TBC1D15: variants seen among roughly 807,000 people sequenced by gnomAD.
TBC1D15 encodes GAP for RAB7.
TBC1D15 carries 39 observed loss-of-function variants against 95.4 expected under a neutral mutation model. The ratio of observed to expected loss-of-function variants is 0.41; its 90% CI spans 0.32 to 0.53. TBC1D15 has a LOEUF of 0.53. Ranked by LOEUF, TBC1D15 falls within the 20% of genes least tolerant of loss-of-function variation. TBC1D15 has a pLI of 0.29. For missense variants in TBC1D15, 733 were observed against 794.3 expected, an observed-to-expected ratio of 0.92 and a Z score of 0.93; for synonymous variants, 258 against 261.3, an observed-to-expected ratio of 0.99 and a Z score of 0.12.
At chr12:71,845,769 A>T (rs1886128976) in intron 1 of TBC1D15, among the ~76,000 whole-genome samples, 1 of 152,174 alleles carries the variant, frequency 6.6e-6, no homozygotes, top group African/African-American at 2.4e-5. Flanking sequence ...GTTGTGTATG[A>T]TAGGTGATGG....
chr12:71,842,208 G>A (rs1264305012), intron 1 of TBC1D15, among the ~76,000 whole-genome samples: 3 of 152,178 alleles, frequency 2.0e-5, no homozygotes, highest in Non-Finnish European at 4.4e-5. Flanking sequence ...AGTGATGGAG[G>A]AAGTTAATCT....
At chr12:71,848,033 G>T (rs989754717) in intron 1 of TBC1D15, among the ~76,000 whole-genome samples, 2 of 152,190 alleles carry the variant, frequency 1.3e-5, no homozygotes, top group Non-Finnish European at 2.9e-5. Flanking sequence ...GGAGGCAGAG[G>T]TTGCGGTGAG....
At chr12:71,903,986 T>C (rs1386543832) in intron 10 of TBC1D15, among the ~76,000 whole-genome samples, 2 of 152,104 alleles carry the variant, frequency 1.3e-5, no homozygotes, top group African/African-American at 2.4e-5. Flanking sequence ...AACTTGGCAA[T>C]GTACCCCTTG....
intron 4 of TBC1D15, among the ~76,000 whole-genome samples, chr12:71,884,388 CTTA>C (rs1220272573): frequency 6.6e-6 from 1 of 152,032 alleles, no homozygotes; most frequent in African/African-American, 2.4e-5. Flanking sequence ...TCTCCTAATT[CTTA>C]TTAATAGAAT....
Position 71,899,972 on chromosome 12 carries a change from AC to A in TBC1D15, c.1183+2033del, listed in dbSNP as rs373037321. On this transcript the variant is annotated intron_variant, in intron 10 of 16. Coordinates refer to ENST00000485960, the MANE Select transcript of TBC1D15 (RefSeq NM_001146213.3). ...AGACCCCTTCTCAAAACAAAACAAA[AC>A]CAAAAAAAGTAGGTGGATTCAAGTT... Among the ~76,000 whole-genome samples the A allele has an allele frequency of 2.5e-3, 380 of 152,116 alleles. 1 individual carries two copies. Among genetic ancestry groups the A allele is most frequent in the African/African-American group, 8.7e-3 (360 of 41,480 alleles).
At chr12:71,894,938 C>G (rs1897874968) in intron 7 of TBC1D15, 55 bp downstream of exon 7, 4 of 1,506,982 alleles carry the variant, frequency 2.7e-6, no homozygotes, top group Admixed American at 2.0e-5. Flanking sequence ...AGAACATGTA[C>G]TATAGAAATA....
chr12:71,918,537 C>A lies in TBC1D15; in HGVS notation c.1588C>A (p.Arg530=). 1.3e-6 allele frequency: 2 copies of A among 1,582,686 alleles called. No homozygotes were observed. Among genetic ancestry groups the A allele is most frequent in the East Asian group, 2.2e-5 (1 of 44,446 alleles). Reference sequence around the variant, plus strand: ...GGAATTTAGTTTTCTAGATATTCTTCGATTATGGGAGGTAAGTCCTTAAAT... The same window carrying A: ...GGAATTTAGTTTTCTAGATATTCTTAGATTATGGGAGGTAAGTCCTTAAAT... ...KREFSFLDIL[R]LWEVMWTELP... The change falls in exon 14 of 17, where the codon CGA becomes AGA. Residue 530 remains arginine (R), a synonymous_variant. Coordinates refer to ENST00000485960, the MANE Select transcript of TBC1D15 (RefSeq NM_001146213.3).
intron 9 of TBC1D15, 145 bp downstream of exon 9, chr12:71,896,925 G>C: frequency 1.7e-6 from 1 of 575,412 alleles, no homozygotes; most frequent in South Asian, 3.2e-5. Context: ...TAAAAATTAT[G>C]AGCATTCTAA....
chr12:71,867,881 C>T (rs1307580350), intron 1 of TBC1D15, among the ~76,000 whole-genome samples: 1 of 152,134 alleles, frequency 6.6e-6, no homozygotes, highest in Non-Finnish European at 1.5e-5. Flanking sequence ...ATTAAGGATG[C>T]TCAACCTATA....
intron 10 of TBC1D15, among the ~76,000 whole-genome samples, chr12:71,898,513 A>C (rs1344649300): frequency 1.3e-5 from 2 of 152,160 alleles, no homozygotes; most frequent in African/African-American, 4.8e-5. Flanking sequence ...GCTTGATAGA[A>C]TTTTATCATT....
intron 5 of TBC1D15, among the ~76,000 whole-genome samples, chr12:71,890,642 AG>A (rs1334320346): frequency 6.6e-6 from 1 of 152,154 alleles, no homozygotes; most frequent in Non-Finnish European, 1.5e-5. Flanking sequence ...CACAAGCGCC[AG>A]GAAGAGGCTC....
At chr12:71,845,140 A>G (rs1885983171) in intron 1 of TBC1D15, among the ~76,000 whole-genome samples, 1 of 152,238 alleles carries the variant, frequency 6.6e-6, no homozygotes, top group African/African-American at 2.4e-5. Flanking sequence ...AGAGTTCACA[A>G]TGGCCCAAGG....
intron 5 of TBC1D15, among the ~76,000 whole-genome samples, chr12:71,887,711 A>G (rs551280096): frequency 5.3e-5 from 8 of 152,166 alleles, no homozygotes; most frequent in African/African-American, 1.7e-4. Flanking sequence ...GCTCCTCACT[A>G]TCTAATTTTC....
At chr12:71,873,712 C>A (rs998803251) in intron 3 of TBC1D15, among the ~76,000 whole-genome samples, 7 of 152,212 alleles carry the variant, frequency 4.6e-5, no homozygotes, top group Admixed American at 2.0e-4. Flanking sequence ...TTGTCTACAT[C>A]CTCATCAACA....
At chr12:71,912,420 T>G (rs759777323) in intron 11 of TBC1D15, among the ~76,000 whole-genome samples, 6 of 152,032 alleles carry the variant, frequency 3.9e-5, no homozygotes, top group Non-Finnish European at 7.4e-5. Context: ...CAGAGTGAGG[T>G]TAACAGGACT....
chr12:71,895,811 A>G, intron 7 of TBC1D15, 136 bp from the exon 8 acceptor site: 1 of 811,312 alleles, frequency 1.2e-6, no homozygotes, highest in Non-Finnish European at 1.8e-6. Flanking sequence ...TAAACTAAAC[A>G]TGGGAAAATA....
chr12:71,892,204 G>A (rs7974296), intron 5 of TBC1D15, among the ~76,000 whole-genome samples: 13,520 of 151,976 alleles, frequency 0.089, 686 homozygotes, highest in East Asian at 0.16. Flanking sequence ...GAAAGGCCAA[G>A]GGGCTTATTA....
chr12:71,875,529 AT>A (rs35115414), intron 3 of TBC1D15, among the ~76,000 whole-genome samples: 40 of 148,806 alleles, frequency 2.7e-4, no homozygotes, highest in Admixed American at 1.3e-3. Context: ...TAGATTGGTG[AT>A]TTTTTTTTTC....
At chr12:71,898,238 CTT>C (rs1898614880) in intron 10 of TBC1D15, among the ~76,000 whole-genome samples, 1 of 151,868 alleles carries the variant, frequency 6.6e-6, no homozygotes, top group African/African-American at 2.4e-5. Context: ...TTTTAAAAAA[CTT>C]TATTTTCTTT....
Sources: gnomAD v4.1 joint callset for allele counts (sites outside exome capture counted in the v4.1 genomes callset) on GRCh38, gnomAD v4.1.1 for gene constraint, MANE v1.5 for transcripts, NCBI Gene and HGNC (gene_info 2026-07-23, HGNC 2026-07-21) for gene names.